The following NEGR1 variants were observed in gnomAD, a reference collection of about 807,000 sequenced individuals.
NEGR1 encodes IgLON family member 4.
A neutral mutation model predicts 40.9 loss-of-function variants in NEGR1; 10 were observed. The ratio of observed to expected loss-of-function variants is 0.24; its 90% CI spans 0.15 to 0.42. The LOEUF (loss-of-function observed/expected upper bound fraction) is 0.42, where lower values mean the gene tolerates loss of function less well. Ranked by LOEUF, NEGR1 falls within the 10% of genes least tolerant of loss-of-function variation. The pLI is 1.00. For missense variants in NEGR1, 352 were observed against 438.9 expected (o/e 0.80, Z 1.77); for synonymous variants, 185 against 166.8 (o/e 1.11, Z -0.84).
intron 4 of NEGR1, among the ~76,000 whole-genome samples, chr1:71,673,657 A>G (rs960310001): frequency 3.3e-5 from 5 of 152,122 alleles, no homozygotes; most frequent in African/African-American, 1.2e-4. Flanking sequence ...AAATCCTCAA[A>G]CAATTTTAGT....
intron 3 of NEGR1, among the ~76,000 whole-genome samples, chr1:71,737,918 G>T (rs368854113): frequency 6.6e-6 from 1 of 152,106 alleles, no homozygotes; most frequent in South Asian, 2.1e-4. Context: ...AGGAATTACA[G>T]TCGGTTTAGG....
chr1:71,962,718 A>C (rs2100299345), intron 1 of NEGR1, among the ~76,000 whole-genome samples: 1 of 152,150 alleles, frequency 6.6e-6, no homozygotes, highest in Non-Finnish European at 1.5e-5. Flanking sequence ...CTCTCAAAAA[A>C]TACACTGTTC....
chr1:71,771,468 A>C (rs1254420706), intron 3 of NEGR1, among the ~76,000 whole-genome samples: 1 of 152,134 alleles, frequency 6.6e-6, no homozygotes, highest in African/African-American at 2.4e-5. Context: ...TGGAAGGCCG[A>C]GGCACGTGGA....
intron 4 of NEGR1, among the ~76,000 whole-genome samples, chr1:71,674,933 AC>A (rs897420315): frequency 1.3e-5 from 2 of 151,248 alleles, no homozygotes; most frequent in Non-Finnish European, 3.0e-5. Flanking sequence ...GCACCTTGAA[AC>A]CTGCCTGTTT....
At chr1:71,791,220 TA>T (rs1657102152) in intron 2 of NEGR1, among the ~76,000 whole-genome samples, 1 of 152,104 alleles carries the variant, frequency 6.6e-6, no homozygotes, top group African/African-American at 2.4e-5. Flanking sequence ...ATTTTAAGCA[TA>T]TTCATTATTA....
chr1:71,674,021 G>A (rs559714754), intron 4 of NEGR1, among the ~76,000 whole-genome samples: 10 of 152,036 alleles, frequency 6.6e-5, no homozygotes, highest in African/African-American at 1.2e-4. Flanking sequence ...GGTATTTAAC[G>A]TGAAAAATAA....
At chr1:71,632,333 C>T (rs921605511) in intron 4 of NEGR1, among the ~76,000 whole-genome samples, 14 of 150,970 alleles carry the variant, frequency 9.3e-5, no homozygotes, top group African/African-American at 3.2e-4. Context: ...AATTAACTTG[C>T]CATCAGCTGA....
Position 72,055,797 on chromosome 1 carries a change from A to ATT in NEGR1, c.177-120488_177-120487dup, listed in dbSNP as rs1248745121. Among the ~76,000 whole-genome samples the ATT allele has an allele frequency of 3.4e-5, 5 of 146,526 alleles. No individual in the cohort carries two copies. In the East Asian group the frequency reaches 7.9e-4, roughly 23 times the overall value. On this transcript the variant is annotated intron_variant, in intron 1 of 6. Transcript: ENST00000357731. The stretch of plus-strand genomic sequence containing the variant: ...ATGTAATCTATAATATATTATATAT[A>ATT]TTATATATATATATAATCTGTACAA...
chr1:71,885,590 T>C (rs184503647), intron 2 of NEGR1, among the ~76,000 whole-genome samples: 7 of 152,310 alleles, frequency 4.6e-5, no homozygotes, highest in African/African-American at 1.4e-4. Context: ...ACGAAGTGTA[T>C]ACATAAAAGC....
intron 5 of NEGR1, among the ~76,000 whole-genome samples, chr1:71,604,915 C>T (rs1463268508): frequency 6.6e-6 from 1 of 152,160 alleles, no homozygotes; most frequent in Non-Finnish European, 1.5e-5. Context: ...ATATTATAGG[C>T]CCCACACTGC....
At chr1:71,809,165 T>A (rs1169845319) in intron 2 of NEGR1, among the ~76,000 whole-genome samples, 1 of 152,184 alleles carries the variant, frequency 6.6e-6, no homozygotes, top group Non-Finnish European at 1.5e-5. Context: ...TTGTTTCCAA[T>A]TTATTCGTGT....
rs904007501 is a variant in NEGR1 at position 71,403,801 on chromosome 1, A to G, written c.*3645T>C. The G allele has an allele frequency of 3.4e-5, 13 of 378,520 alleles. No homozygotes were observed. The highest frequency in any genetic ancestry group is 2.7e-4 in the Admixed American group (6 of 21,952). The allele number at this position is 378,520 out of a possible 1,614,324, so 23.4% of individuals were successfully genotyped here. ...AGTACAACATATTTTACATCAGGTTATGAAATATGGATGTTTTACTAAAAG... is the reference window on the plus strand; with the variant it reads ...AGTACAACATATTTTACATCAGGTTGTGAAATATGGATGTTTTACTAAAAG... On this transcript the variant is annotated 3_prime_UTR_variant, in exon 7 of 7. Coordinates refer to ENST00000357731, the MANE Select transcript of NEGR1 (RefSeq NM_173808.3).
chr1:72,122,474 C>G (rs1649840194), intron 1 of NEGR1, among the ~76,000 whole-genome samples: 1 of 151,948 alleles, frequency 6.6e-6, no homozygotes, highest in South Asian at 2.1e-4. Context: ...CATACATAAA[C>G]TTGTGACCCT....
At position 72,003,702 on chromosome 1, in the gene NEGR1, C is replaced by T. The variant is rs190038473; in HGVS notation, c.177-68391G>A. 5.9e-4 allele frequency among the ~76,000 whole-genome samples: 89 copies of T among 152,082 alleles called. No homozygotes were observed. The South Asian group carries it at 0.016, about 28-fold the overall frequency. ...TATGTAAATAAGCATGGCATAAAAA[C>T]GATATAAAATCTTACATAGAAAAAG... is the stretch of plus-strand genomic sequence containing the variant. On this transcript the variant is annotated intron_variant, in intron 1 of 6. Coordinates refer to ENST00000357731, the MANE Select transcript of NEGR1 (RefSeq NM_173808.3).
At chr1:71,851,781 T>C (rs1215695449) in intron 2 of NEGR1, among the ~76,000 whole-genome samples, 1 of 152,096 alleles carries the variant, frequency 6.6e-6, no homozygotes, top group Non-Finnish European at 1.5e-5. Flanking sequence ...AATTATGTAG[T>C]ATAGTAAACA....
intron 6 of NEGR1, among the ~76,000 whole-genome samples, chr1:71,416,845 C>G (rs1294379835): frequency 6.6e-6 from 1 of 152,178 alleles, no homozygotes; most frequent in African/African-American, 2.4e-5. Flanking sequence ...GCTTCTATGT[C>G]TGTATGTGTT....
chr1:72,175,520 A>C (rs1388212150), intron 1 of NEGR1, among the ~76,000 whole-genome samples: 2 of 152,150 alleles, frequency 1.3e-5, no homozygotes, highest in African/African-American at 4.8e-5. Context: ...CTTTAAAAAA[A>C]TCTAAAATTG....
chr1:71,689,834 TG>T, intron 4 of NEGR1, among the ~76,000 whole-genome samples: 1 of 151,270 alleles, frequency 6.6e-6, no homozygotes, highest in Middle Eastern at 3.5e-3. Context: ...ATTAAATAAA[TG>T]TAATGTAAAT....
intron 1 of NEGR1, among the ~76,000 whole-genome samples, chr1:72,133,169 G>A (rs1650321963): frequency 1.3e-5 from 2 of 151,962 alleles, no homozygotes; most frequent in Non-Finnish European, 2.9e-5. Flanking sequence ...CAAATTATCT[G>A]CTTTGGTACT....
Sources: gnomAD v4.1 joint callset for allele counts (sites outside exome capture counted in the v4.1 genomes callset) on GRCh38, gnomAD v4.1.1 for gene constraint, MANE v1.5 for transcripts, NCBI Gene and HGNC (gene_info 2026-07-23, HGNC 2026-07-21) for gene names.